Variants in IDE observed in about 807,000 individuals in gnomAD.
The protein encoded by IDE is insulin-degrading enzyme.
IDE carries 58 observed loss-of-function variants against 133.2 expected under a neutral mutation model. The ratio of observed to expected loss-of-function variants is 0.44; its 90% confidence interval spans 0.35 to 0.54. The LOEUF is 0.54. Among genes scored for constraint, IDE ranks in the 20% least tolerant of loss-of-function variants. The pLI is 0.00. For missense variants in IDE, 981 were observed against 1,234.0 expected (o/e 0.79, Z 3.07); for synonymous variants, 396 against 421.3 (o/e 0.94, Z 0.73).
chr10:92,547,264 T>C (rs936511151), intron 1 of IDE, among the ~76,000 whole-genome samples: 30 of 136,858 alleles, frequency 2.2e-4, no homozygotes, highest in Middle Eastern at 3.7e-3. Flanking sequence ...TTTTTTTTTT[T>C]AGTAGAGACA....
chr10:92,508,978 G>T lies in IDE; in HGVS notation c.898-88C>A. The T allele has an allele frequency of 3.7e-6, 4 of 1,074,522 alleles. 1 individual carries two copies. The South Asian group carries it at 4.4e-5, about 12-fold the overall frequency. 66.6% of individuals were successfully genotyped at this position (1,074,522 alleles called of 1,614,324 possible). On this transcript the variant is annotated intron_variant, in intron 6 of 24. Coordinates refer to ENST00000265986, the MANE Select transcript of IDE (RefSeq NM_004969.4). ...ACTATGAAGAATGATTTTCATGGGA[G>T]AATCCCAAATTTAAGAGCAAATCAA... is the stretch of plus-strand genomic sequence containing the variant.
At chr10:92,566,407 T>TCACACACACACACACACACA in intron 1 of IDE, among the ~76,000 whole-genome samples, 1 of 141,730 alleles carries the variant, frequency 7.1e-6, no homozygotes, top group South Asian at 2.1e-4. Flanking sequence ...TCTCTCTCTC[T>TCACACACACACACACACACA]CTCTCTCACA....
intron 1 of IDE, among the ~76,000 whole-genome samples, chr10:92,541,797 G>A (rs952145453): frequency 2.6e-5 from 4 of 152,066 alleles, no homozygotes; most frequent in Non-Finnish European, 5.9e-5. Flanking sequence ...TGGCTACACT[G>A]GCTTCTCCTG....
intron 5 of IDE, among the ~76,000 whole-genome samples, chr10:92,513,048 A>G (rs1249814449): frequency 6.6e-6 from 1 of 152,250 alleles, no homozygotes; most frequent in East Asian, 1.9e-4. Context: ...AGTAAGTGGT[A>G]TATTTGGAAT....
chr10:92,520,650 G>C (rs955320597), intron 4 of IDE, among the ~76,000 whole-genome samples: 1 of 152,030 alleles, frequency 6.6e-6, no homozygotes, highest in Non-Finnish European at 1.5e-5. Context: ...GGAAGTGAGA[G>C]ACTAAAGCCT....
chr10:92,559,728 G>C (rs1216598371), intron 1 of IDE, among the ~76,000 whole-genome samples: 1 of 146,098 alleles, frequency 6.8e-6, no homozygotes, highest in African/African-American at 2.5e-5. Context: ...TAAAACCCAT[G>C]AATGGTATAT....
Position 92,572,959 on chromosome 10 carries a change from A to G in IDE, c.98+963T>C, listed in dbSNP as rs7909487. On this transcript the variant is annotated intron_variant, in intron 1 of 24. Coordinates refer to ENST00000265986, the MANE Select transcript of IDE (RefSeq NM_004969.4). ...CGTGGCATCCCAATCCGCTCCAATC[A>G]AGTCAAAGTTCCTTGGAAGGCAGAC... is the stretch of plus-strand genomic sequence containing the variant. 18,025 of 985,066 alleles carry G rather than the reference A, an allele frequency of 0.018. 2,477 individuals are homozygous for G. The African/African-American group carries it at 0.29, about 16-fold the overall frequency. 61.0% of individuals were successfully genotyped at this position (985,066 alleles called of 1,614,324 possible).
At chr10:92,526,390 T>C (rs1256817167) in intron 4 of IDE, among the ~76,000 whole-genome samples, 1 of 152,114 alleles carries the variant, frequency 6.6e-6, no homozygotes, top group South Asian at 2.1e-4. Context: ...AAAATCTATA[T>C]GGAATCAAGA....
chr10:92,539,201 T>C (rs1842175194), intron 1 of IDE, among the ~76,000 whole-genome samples: 1 of 152,056 alleles, frequency 6.6e-6, no homozygotes, highest in South Asian at 2.1e-4. Flanking sequence ...TTTTTTTTTT[T>C]CTCTCGCCCT....
At chr10:92,514,893 T>A (rs1280088405) in intron 5 of IDE, 27 bp downstream of exon 5, 1 of 1,591,666 alleles carries the variant, frequency 6.3e-7, no homozygotes, top group African/African-American at 1.4e-5. Flanking sequence ...ATTATCCAAT[T>A]CTATAAAAAA....
Position 92,510,889 on chromosome 10 carries a change from TATATC to T in IDE, c.785-732_785-728del, listed in dbSNP as rs887531633. Reference sequence around the variant, plus strand: ...TATATCACATACATGATATATCACATATATCATATATATGATATTAGCAAAATTCT... The same window carrying T: ...TATATCACATACATGATATATCACATATATATATGATATTAGCAAAATTCT... On this transcript the variant is annotated intron_variant, in intron 5 of 24. Transcript: ENST00000265986. 6.6e-5 allele frequency among the ~76,000 whole-genome samples: 10 copies of T among 151,046 alleles called. No individual in the cohort carries two copies. In the South Asian group the frequency reaches 1.2e-3, roughly 19 times the overall value.
chr10:92,522,567 A>C (rs953635802), intron 4 of IDE, among the ~76,000 whole-genome samples: 2 of 152,160 alleles, frequency 1.3e-5, no homozygotes, highest in African/African-American at 4.8e-5. Flanking sequence ...CTTCTGCTTA[A>C]GGAAATCTTA....
At chr10:92,571,479 T>C (rs1399896624) in intron 1 of IDE, among the ~76,000 whole-genome samples, 1 of 152,216 alleles carries the variant, frequency 6.6e-6, no homozygotes, top group Admixed American at 6.5e-5. Context: ...CCTAAGCCTA[T>C]GGAACAGGGA....
chr10:92,565,237 CTG>C (rs1416762516), intron 1 of IDE, among the ~76,000 whole-genome samples: 1 of 142,456 alleles, frequency 7.0e-6, no homozygotes, highest in East Asian at 2.0e-4. Flanking sequence ...GAGCGAGACT[CTG>C]TCTCAGAAAA....
intron 9 of IDE, 48 bp from the exon 10 acceptor site, chr10:92,506,570 A>G: frequency 1.1e-6 from 1 of 917,456 alleles, no homozygotes. Context: ...CTTATTTAGA[A>G]ACCTTTTTTT....
intron 15 of IDE, among the ~76,000 whole-genome samples, chr10:92,478,012 C>A (rs984438321): frequency 6.6e-6 from 1 of 152,080 alleles, no homozygotes; most frequent in Admixed American, 6.5e-5. Context: ...CTCTTGTTTT[C>A]ATTTTTACTA....
In IDE at chr10:92,456,389, C is replaced by T. The variant is rs375559999; in HGVS notation, c.2866G>A (p.Val956Ile). 61 of 1,613,624 alleles carry T rather than the reference C, an allele frequency of 3.8e-5. No homozygotes were observed. The East Asian group carries it at 9.4e-4, about 25-fold the overall frequency. The change falls in exon 23 of 25, where the codon GTC becomes ATC. Residue 956 changes from valine to isoleucine, a missense_variant. Around this residue, in one of 2 missense-constraint regions of IDE, gnomAD observed 660 missense variants for 894.7 expected, o/e 0.74. Transcript: ENST00000265986. ...VDAPRRHKVS[V>I]HVLAREMDSC... ...TCCATTTCCCTGGCAAGAACATGGACGGATACCTTATGTCTCCTTGGAGCA... is the reference window on the plus strand; with the variant it reads ...TCCATTTCCCTGGCAAGAACATGGATGGATACCTTATGTCTCCTTGGAGCA...
intron 21 of IDE, among the ~76,000 whole-genome samples, chr10:92,462,147 C>T (rs1482985119): frequency 6.6e-6 from 1 of 151,902 alleles, no homozygotes; most frequent in African/African-American, 2.4e-5. Context: ...GAAACCCCAT[C>T]TCTACTAAAA....
chr10:92,495,944 G>C (rs935041592), intron 11 of IDE, among the ~76,000 whole-genome samples: 3 of 151,302 alleles, frequency 2.0e-5, no homozygotes, highest in Non-Finnish European at 4.4e-5. Flanking sequence ...GCATGATCTT[G>C]GCTCACTGCA....
Sources: allele counts gnomAD v4.1 joint callset (sites outside exome capture counted in the v4.1 genomes callset), GRCh38; gene constraint gnomAD v4.1.1; regional missense constraint gnomAD v4.1.1; transcripts MANE v1.5; gene names NCBI Gene and HGNC (gene_info 2026-07-23, HGNC 2026-07-21).